Variants in ZBBX observed in about 807,000 individuals in gnomAD.
The protein encoded by ZBBX is zinc finger B-box domain containing, also known as zinc finger B-box domain-containing protein 1.
In ZBBX, 101 loss-of-function variants were observed where a neutral mutation model predicts 108.5. The ratio of observed to expected loss-of-function variants is 0.93; its 90% CI spans 0.79 to 1.10. ZBBX has a LOEUF of 1.10. Ranked by LOEUF, ZBBX falls within the 50% of genes least tolerant of loss-of-function variation. The pLI is 0.00. For synonymous variants in ZBBX, 356 were observed against 323.4 expected (o/e 1.10, Z -1.08); for missense variants, 1,009 against 941.4 (o/e 1.07, Z -0.94).
At chr3:167,339,839 G>C (rs1361502755) in intron 9 of ZBBX, among the ~76,000 whole-genome samples, 1 of 151,904 alleles carries the variant, frequency 6.6e-6, no homozygotes, top group East Asian at 1.9e-4. Context: ...GCGTCGAAAG[G>C]CTCCGGTGTG....
chr3:167,398,646 C>T (rs965623366), intron 1 of ZBBX, among the ~76,000 whole-genome samples: 13 of 151,804 alleles, frequency 8.6e-5, no homozygotes, highest in East Asian at 3.9e-4. Flanking sequence ...TATGATAGCA[C>T]GTGAAAAAAA....
the ZBBX span, among the ~76,000 whole-genome samples, chr3:167,234,037 C>T: frequency 6.6e-6 from 1 of 151,864 alleles, no homozygotes; most frequent in South Asian, 2.1e-4. Context: ...CTTCATACTC[C>T]TTTCCCTAAT....
chr3:167,201,455 G>T, the ZBBX span, among the ~76,000 whole-genome samples: 1 of 152,016 alleles, frequency 6.6e-6, no homozygotes, highest in African/African-American at 2.4e-5. Context: ...AAAAGTCAAA[G>T]ACTAATTCCC....
At chr3:167,187,338 A>G in the ZBBX span, among the ~76,000 whole-genome samples, 1 of 152,126 alleles carries the variant, frequency 6.6e-6, no homozygotes, top group African/African-American at 2.4e-5. Context: ...ACTATGCAAA[A>G]TCTTCTCCCT....
At chr3:167,275,264 AC>A (rs1429525152) in intron 20 of ZBBX, among the ~76,000 whole-genome samples, 1 of 152,136 alleles carries the variant, frequency 6.6e-6, no homozygotes, top group African/African-American at 2.4e-5. Flanking sequence ...AATGATTCTC[AC>A]TTGGGAGGAG....
chr3:167,358,756 G>GAA (rs1744016782), intron 8 of ZBBX, among the ~76,000 whole-genome samples: 2 of 151,774 alleles, frequency 1.3e-5, no homozygotes, highest in South Asian at 4.2e-4. Flanking sequence ...CTAACATGGT[G>GAA]AAACCCCATT....
intron 20 of ZBBX, among the ~76,000 whole-genome samples, chr3:167,250,159 G>T (rs1722321842): frequency 6.6e-6 from 1 of 152,068 alleles, no homozygotes; most frequent in African/African-American, 2.4e-5. Context: ...TGGGCCCTGG[G>T]ACCAGATAGT....
intron 4 of ZBBX, chr3:167,368,875 A>C: frequency 3.3e-6 from 1 of 306,290 alleles, no homozygotes; most frequent in Middle Eastern, 1.4e-3. Flanking sequence ...TATCTATGAC[A>C]TACAAACAGA....
intron 6 of ZBBX, among the ~76,000 whole-genome samples, chr3:167,361,561 G>A (rs1744510915): frequency 6.6e-6 from 1 of 152,112 alleles, no homozygotes; most frequent in Non-Finnish European, 1.5e-5. Flanking sequence ...AGCAACTGCA[G>A]TCATCTGAAA....
At chr3:167,292,411 A>G (rs1730856142) in intron 18 of ZBBX, among the ~76,000 whole-genome samples, 1 of 152,196 alleles carries the variant, frequency 6.6e-6, no homozygotes, top group Non-Finnish European at 1.5e-5. Context: ...TCAAAACTGC[A>G]CGACTACATG....
chr3:167,366,899 C>A (rs1341168404), intron 5 of ZBBX: 4 of 455,894 alleles, frequency 8.8e-6, no homozygotes, highest in Non-Finnish European at 1.8e-5. Flanking sequence ...TTAAAAGCAG[C>A]AAGACACATA....
chr3:167,404,577 A>T (rs1310307417), intron 1 of ZBBX, among the ~76,000 whole-genome samples: 3 of 152,042 alleles, frequency 2.0e-5, no homozygotes, highest in Admixed American at 6.6e-5. Flanking sequence ...GGGTTTATAT[A>T]GCTGGGAAGG....
chr3:167,263,796 C>T (rs546464323), intron 20 of ZBBX, among the ~76,000 whole-genome samples: 9 of 152,224 alleles, frequency 5.9e-5, no homozygotes, highest in African/African-American at 1.9e-4. Context: ...CAAGATCTGC[C>T]CAATGCAGAA....
chr3:167,369,603 C>T (rs968886927), intron 4 of ZBBX, among the ~76,000 whole-genome samples: 3 of 152,176 alleles, frequency 2.0e-5, no homozygotes, highest in African/African-American at 7.2e-5. Context: ...CAAACAAACA[C>T]TGCTAGGTGA....
At chr3:167,269,075 G>C (rs973715815) in intron 20 of ZBBX, among the ~76,000 whole-genome samples, 2 of 152,230 alleles carry the variant, frequency 1.3e-5, no homozygotes, top group Non-Finnish European at 2.9e-5. Flanking sequence ...TACAAAGGGA[G>C]AGACAAGCCC....
intron 9 of ZBBX, among the ~76,000 whole-genome samples, chr3:167,342,605 C>CT (rs1396465996): frequency 1.3e-5 from 2 of 151,712 alleles, no homozygotes; most frequent in Non-Finnish European, 2.9e-5. Flanking sequence ...ATATTGCTAA[C>CT]TTTAACTTTC....
intron 20 of ZBBX, among the ~76,000 whole-genome samples, chr3:167,275,218 T>A (rs1275162100): frequency 6.6e-6 from 1 of 152,152 alleles, no homozygotes; most frequent in Non-Finnish European, 1.5e-5. Context: ...TATATATTCT[T>A]CTATGTTTAC....
At chr3:167,179,825 T>C in the ZBBX span, among the ~76,000 whole-genome samples, 3 of 152,208 alleles carry the variant, frequency 2.0e-5, no homozygotes, top group African/African-American at 7.2e-5. Context: ...GAGAATCCAA[T>C]TAGTTAATTT....
chr3:167,181,813 A>T, the ZBBX span, among the ~76,000 whole-genome samples: 1 of 152,122 alleles, frequency 6.6e-6, no homozygotes, highest in African/African-American at 2.4e-5. Flanking sequence ...TTTAAACTAG[A>T]CCTACCTAGA....
Sources: allele counts gnomAD v4.1 joint callset (sites outside exome capture counted in the v4.1 genomes callset), GRCh38; gene constraint gnomAD v4.1.1; transcripts MANE v1.5; gene names NCBI Gene and HGNC (gene_info 2026-07-23, HGNC 2026-07-21).